The following EYA3 variants were observed in gnomAD, a reference collection of about 807,000 sequenced individuals.
The protein encoded by EYA3 is protein phosphatase EYA3.
Under a neutral mutation model 80.0 loss-of-function variants are expected in EYA3, and 39 were observed. The observed-to-expected ratio is 0.49, with a 90% CI of 0.38 to 0.64. EYA3 has a LOEUF of 0.64. EYA3 is among the 30% of genes least tolerant of loss of function. The pLI, the probability that EYA3 is intolerant of heterozygous loss-of-function variation, is 0.00. For synonymous variants in EYA3, 206 were observed against 232.8 expected (o/e 0.88, Z 1.05); for missense variants, 523 against 676.1 (o/e 0.77, Z 2.51).
intron 3 of EYA3, among the ~76,000 whole-genome samples, chr1:28,044,255 G>A (rs1643920270): frequency 6.6e-6 from 1 of 152,164 alleles, no homozygotes; most frequent in African/African-American, 2.4e-5. Context: ...GTCAGAGGCT[G>A]CTCAAGTTCA....
chr1:28,080,140 T>A (rs900898172), intron 1 of EYA3, among the ~76,000 whole-genome samples: 3 of 141,666 alleles, frequency 2.1e-5, no homozygotes, highest in Non-Finnish European at 4.8e-5. Flanking sequence ...TTGTTTTAAA[T>A]TAAAAACAAT....
At chr1:28,068,163 C>A (rs1173811284) in intron 1 of EYA3, among the ~76,000 whole-genome samples, 4 of 151,940 alleles carry the variant, frequency 2.6e-5, no homozygotes, top group African/African-American at 7.3e-5. Context: ...TGGTGAAACT[C>A]CGTCTCTACT....
At chr1:28,047,287 C>T (rs1644046892) in intron 3 of EYA3, among the ~76,000 whole-genome samples, 1 of 152,120 alleles carries the variant, frequency 6.6e-6, no homozygotes, top group Non-Finnish European at 1.5e-5. Flanking sequence ...CTCAAGTCAC[C>T]ACGCCGAGCT....
intron 3 of EYA3, among the ~76,000 whole-genome samples, chr1:28,043,585 C>A (rs1643895874): frequency 6.6e-6 from 1 of 152,102 alleles, no homozygotes; most frequent in African/African-American, 2.4e-5. Flanking sequence ...CACCTGTAAT[C>A]CCAGCACTTT....
chr1:28,017,670 C>T (rs6684659), intron 7 of EYA3, among the ~76,000 whole-genome samples: 35,635 of 152,034 alleles, frequency 0.23, 4,286 homozygotes, highest in Non-Finnish European at 0.27. Flanking sequence ...CCCCAAGTTA[C>T]GCCTTTCCTA....
intron 16 of EYA3, among the ~76,000 whole-genome samples, chr1:27,979,476 A>G (rs1386544216): frequency 6.6e-6 from 1 of 152,234 alleles, no homozygotes; most frequent in Admixed American, 6.5e-5. Flanking sequence ...GGTGATTTAA[A>G]TCCATTTCTC....
At chr1:27,999,334 T>C (rs1482049996) in intron 12 of EYA3, among the ~76,000 whole-genome samples, 43 of 152,238 alleles carry the variant, frequency 2.8e-4, no homozygotes. Flanking sequence ...CTCCCTGTCC[T>C]GTGCTCCTTC....
intron 9 of EYA3, among the ~76,000 whole-genome samples, chr1:28,012,058 G>T (rs1348321227): frequency 6.6e-6 from 1 of 152,044 alleles, no homozygotes; most frequent in Non-Finnish European, 1.5e-5. Context: ...TTTAAAGATG[G>T]GATAATGCCA....
At chr1:28,079,310 T>C (rs1645337667) in intron 1 of EYA3, among the ~76,000 whole-genome samples, 1 of 152,248 alleles carries the variant, frequency 6.6e-6, no homozygotes, top group Non-Finnish European at 1.5e-5. Context: ...GGACAATACA[T>C]AAATGTAATC....
intron 8 of EYA3, 68 bp downstream of exon 8, chr1:28,017,086 C>T (rs1158984076): frequency 7.4e-6 from 10 of 1,356,892 alleles, no homozygotes; most frequent in Non-Finnish European, 9.4e-6. Flanking sequence ...GGCAAATTGA[C>T]CATGGAAAGA....
At chr1:28,034,206 T>C (rs747706776) in intron 6 of EYA3, among the ~76,000 whole-genome samples, 1 of 152,064 alleles carries the variant, frequency 6.6e-6, no homozygotes, top group Non-Finnish European at 1.5e-5. Context: ...AGAGATGTAA[T>C]AGGAGTTGTA....
intron 1 of EYA3, among the ~76,000 whole-genome samples, chr1:28,071,376 T>C (rs1040858158): frequency 2.0e-5 from 3 of 152,254 alleles, no homozygotes; most frequent in South Asian, 4.1e-4. Flanking sequence ...TCTGTTTTGA[T>C]TGAAGTTCCT....
At position 28,009,033 on chromosome 1, in the gene EYA3, A is replaced by G. The variant is rs1349596662; in HGVS notation, c.909+1914T>C. Among the ~76,000 whole-genome samples the G allele has an allele frequency of 6.6e-6, 1 of 152,276 alleles. No homozygotes were observed. Among genetic ancestry groups the G allele is most frequent in the Admixed American group, 6.5e-5 (1 of 15,292 alleles). On this transcript the variant is annotated intron_variant, in intron 10 of 17. Transcript: ENST00000373871. This position sits in a 1 kb window ranked among gnomAD's most constrained non-coding sequence, Gnocchi z 4.8. Reference sequence around the variant, plus strand: ...TGTGAACAAACTGGAACCTTTATGTATCGCTGGTAAGAGTATAAAACCGTG... The same window carrying G: ...TGTGAACAAACTGGAACCTTTATGTGTCGCTGGTAAGAGTATAAAACCGTG...
chr1:28,050,160 T>A (rs1170637455), intron 2 of EYA3, among the ~76,000 whole-genome samples: 2 of 150,682 alleles, frequency 1.3e-5, no homozygotes, highest in African/African-American at 4.9e-5. Flanking sequence ...GCAACATTTT[T>A]AAATTTACTT....
At chr1:27,989,949 C>T (rs1639931399) in intron 14 of EYA3, 138 bp from the exon 15 acceptor site, 10 of 391,318 alleles carry the variant, frequency 2.6e-5, no homozygotes, top group Admixed American at 4.3e-5. Flanking sequence ...TATATATATA[C>T]ATATACGTAT....
intron 5 of EYA3, 142 bp downstream of exon 5, chr1:28,038,697 G>T: frequency 2.0e-6 from 1 of 494,978 alleles, no homozygotes; most frequent in South Asian, 3.9e-5. Flanking sequence ...TATTTAGAGG[G>T]AATTAAAAAT....
chr1:27,994,643 C>T (rs563266511), intron 13 of EYA3, among the ~76,000 whole-genome samples: 3 of 152,226 alleles, frequency 2.0e-5, no homozygotes, highest in Admixed American at 6.5e-5. Context: ...GCCAAGATCA[C>T]GCCACTGCAC....
chr1:28,062,867 T>C (rs1644684578), intron 1 of EYA3, among the ~76,000 whole-genome samples: 1 of 151,900 alleles, frequency 6.6e-6, no homozygotes, highest in Non-Finnish European at 1.5e-5. Flanking sequence ...TCTGGCGTGG[T>C]GGCACGCGCC....
Position 28,000,032 on chromosome 1 carries a change from A to G in EYA3, c.1011T>C (p.Ile337=). The change falls in exon 12 of 18, where the codon ATT becomes ATC. Residue 337 remains isoleucine (I), a synonymous_variant. Transcript: ENST00000373871. ...QKYGKDPTVV[I]GSGLTMEEMI... is the part of the protein sequence containing the mutation. Reference sequence around the variant, plus strand: ...TTTCTTCCATTGTTAAACCTGAGCCAATCACTACTGTTGGGTCCTAGAAGA... The same window carrying G: ...TTTCTTCCATTGTTAAACCTGAGCCGATCACTACTGTTGGGTCCTAGAAGA... 6.2e-7 allele frequency: 1 copy of G among 1,610,080 alleles called. No individual in the cohort carries two copies. The highest frequency in any genetic ancestry group is 8.5e-7 in the Non-Finnish European group (1 of 1,178,100).
Sources: allele counts gnomAD v4.1 joint callset (sites outside exome capture counted in the v4.1 genomes callset), GRCh38; gene constraint gnomAD v4.1.1; non-coding constraint Gnocchi (gnomAD v3.1); transcripts MANE v1.5; gene names NCBI Gene and HGNC (gene_info 2026-07-23, HGNC 2026-07-21).